Variants in MYH9 observed in about 807,000 individuals in gnomAD.
MYH9 encodes myosin-9.
In MYH9, 29 loss-of-function variants were observed where a neutral mutation model predicts 241.9. The ratio of observed to expected loss-of-function variants is 0.12; its 90% CI spans 0.09 to 0.16. The LOEUF is 0.16. Ranked by LOEUF, MYH9 falls within the 10% of genes least tolerant of loss-of-function variation. MYH9 has a pLI of 1.00. For missense variants in MYH9, 1,803 were observed against 2,595.5 expected (o/e 0.69, Z 6.63); for synonymous variants, 1,047 against 1,062.6 (o/e 0.99, Z 0.29).
rs368597851 is a variant in MYH9, at chr22:36,322,213, T to C, written c.705+216A>G. Among the ~76,000 whole-genome samples the C allele has an allele frequency of 4.7e-4, 72 of 152,342 alleles. No individual in the cohort carries two copies. The South Asian group carries it at 4.8e-3, about 10-fold the overall frequency. ...CCTTTCCACCTCTCATGAGGGAGGCTGAAGAAGCTACTCGTGGCCTTCGTC... is the reference window on the plus strand; with the variant it reads ...CCTTTCCACCTCTCATGAGGGAGGCCGAAGAAGCTACTCGTGGCCTTCGTC... On this transcript the variant is annotated intron_variant, in intron 6 of 40. Transcript: ENST00000216181.
In MYH9 at chr22:36,288,100, T is replaced by C; in HGVS notation, c.4932+152A>G. ...CCACTCACCTCTGAGCCTCTGAGTCTCTGTCAGTGAGATGGGGCTGGAAGC... is the reference window on the plus strand; with the variant it reads ...CCACTCACCTCTGAGCCTCTGAGTCCCTGTCAGTGAGATGGGGCTGGAAGC... On this transcript the variant is annotated intron_variant, in intron 34 of 40. Coordinates refer to ENST00000216181, the MANE Select transcript of MYH9 (RefSeq NM_002473.6). This position sits in a 1 kb window ranked among gnomAD's most constrained non-coding sequence, Gnocchi z 4.8. 1 of 898,918 alleles carries C rather than the reference T, an allele frequency of 1.1e-6. No individual in the cohort carries two copies. The highest frequency in any genetic ancestry group is 1.5e-5 in the South Asian group (1 of 66,624). 55.7% of individuals were successfully genotyped at this position (898,918 alleles called of 1,614,324 possible). A position where few individuals can be genotyped will look rare whatever the true frequency, so the allele number is the denominator to read the frequency against.
chr22:36,301,452 G>T (rs1569535220), intron 21 of MYH9, 82 bp downstream of exon 21: 8 of 1,580,670 alleles, frequency 5.1e-6, no homozygotes, highest in Non-Finnish European at 5.2e-6. Flanking sequence ...GAAACTTCCA[G>T]CATGCCGTGC....
At chr22:36,363,354 C>G (rs1019087810) in intron 1 of MYH9, among the ~76,000 whole-genome samples, 4 of 152,156 alleles carry the variant, frequency 2.6e-5, no homozygotes, top group East Asian at 1.9e-4. Context: ...AGCATCAATG[C>G]TTGTTGAAAA....
Position 36,293,312 on chromosome 22 carries a change from C to T in MYH9, c.4095+17G>A, listed in dbSNP as rs769352886. 1 of 1,613,340 alleles carries T rather than the reference C, an allele frequency of 6.2e-7. No individual in the cohort carries two copies. Among genetic ancestry groups the T allele is most frequent in the Non-Finnish European group, 8.5e-7 (1 of 1,179,628 alleles). ...CCCCAGCCTGCAGAGTCCGGCCGGT[C>T]CCCCAGGCCTCCAAACCTGGGCATG... is the stretch of plus-strand genomic sequence containing the variant. On this transcript the variant is annotated intron_variant, in intron 30 of 40. Coordinates refer to ENST00000216181, the MANE Select transcript of MYH9 (RefSeq NM_002473.6). The surrounding 1 kb of genome is among the most constrained non-coding windows in gnomAD (Gnocchi z 5.1).
Position 36,282,276 on chromosome 22 carries a change from C to G in MYH9, c.*392G>C, listed in dbSNP as rs539412326. On this transcript the variant is annotated 3_prime_UTR_variant, in exon 41 of 41. Transcript: ENST00000216181. Reference sequence around the variant, plus strand: ...AGGGAGGCTGACGACTGCGGGGGCTCCGACTACCAAAAGGCCTCAGTCTGA... The same window carrying G: ...AGGGAGGCTGACGACTGCGGGGGCTGCGACTACCAAAAGGCCTCAGTCTGA... The G allele has an allele frequency of 2.3e-4, 88 of 385,096 alleles. No individual in the cohort carries two copies. The South Asian group carries it at 2.8e-3, about 12-fold the overall frequency. 23.9% of individuals were successfully genotyped at this position (385,096 alleles called of 1,614,324 possible).
In MYH9 at chr22:36,295,456, C is replaced by T. The variant is rs201697365; in HGVS notation, c.3485+49G>A. On this transcript the variant is annotated intron_variant, in intron 26 of 40. Transcript: ENST00000216181. This position sits in a 1 kb window ranked among gnomAD's most constrained non-coding sequence, Gnocchi z 4.1. ...CGGGGTCCATGTCTCCAAGCCAAGG[C>T]CCCCCTGGCTGCCCTCCCCATCCCG... The T allele has an allele frequency of 6.6e-7, 1 of 1,509,226 alleles. No homozygotes were observed. The highest frequency in any genetic ancestry group is 9.1e-7 in the Non-Finnish European group (1 of 1,095,478). 93.5% of individuals were successfully genotyped at this position (1,509,226 alleles called of 1,614,324 possible). A position where few individuals can be genotyped will look rare whatever the true frequency, so the allele number is the denominator to read the frequency against.
chr22:36,373,259 C>T (rs1008631601), intron 1 of MYH9, among the ~76,000 whole-genome samples: 3 of 152,192 alleles, frequency 2.0e-5, no homozygotes, highest in Non-Finnish European at 4.4e-5. Flanking sequence ...CCCCTGCCCT[C>T]AGCTGCCCCT....
chr22:36,308,728 G>A (rs990515162), intron 15 of MYH9: 67 of 846,056 alleles, frequency 7.9e-5, no homozygotes, highest in Non-Finnish European at 9.1e-5. Context: ...GGGGGCGCGA[G>A]AAAACCTAGG....
chr22:36,310,785 C>T (rs1286529221), intron 14 of MYH9, among the ~76,000 whole-genome samples: 1 of 152,240 alleles, frequency 6.6e-6, no homozygotes, highest in Non-Finnish European at 1.5e-5. Context: ...CCTAATTATT[C>T]AGCATTACAA....
At chr22:36,365,926 C>T (rs1031738893) in intron 1 of MYH9, among the ~76,000 whole-genome samples, 6 of 152,154 alleles carry the variant, frequency 3.9e-5, no homozygotes, top group African/African-American at 1.4e-4. Context: ...TGGTGGCTCA[C>T]GCCTATAATC....
In MYH9 at chr22:36,326,666, C is replaced by G. The variant is rs2017340608; in HGVS notation, c.519-5G>C. On this transcript the variant is annotated splice_polypyrimidine_tract_variant and splice_region_variant and intron_variant, in intron 4 of 40. Transcript: ENST00000216181. The stretch of plus-strand genomic sequence containing the variant: ...TTGCCAGCTCCAGATTCACCACTAC[C>G]AAGAGAGGCAAGGAAGTCCCGGGCT... 5.6e-6 allele frequency: 9 copies of G among 1,613,446 alleles called. No homozygotes were observed. Among genetic ancestry groups the G allele is most frequent in the Non-Finnish European group, 7.6e-6 (9 of 1,179,368 alleles).
At position 36,288,392 on chromosome 22, in the gene MYH9, G is replaced by T. The variant is rs1163205030; in HGVS notation, c.4792C>A (p.Leu1598Met). 1.9e-6 allele frequency: 3 copies of T among 1,612,256 alleles called. No homozygotes were observed. The highest frequency in any genetic ancestry group is 2.5e-6 in the Non-Finnish European group (3 of 1,180,036). Residue 1598 changes from leucine (L) to methionine (M), a missense_variant, in exon 34 of 41, where the codon CTG becomes ATG. Physicochemically the swap from Leu to Met is conservative, Grantham distance 15. This residue lies in a region of MYH9 where 876 missense variants were observed against 1,077.8 expected (regional missense o/e 0.81). Coordinates refer to ENST00000216181, the MANE Select transcript of MYH9 (RefSeq NM_002473.6). This position sits in a 1 kb window ranked among gnomAD's most constrained non-coding sequence, Gnocchi z 4.8. ...VRQVREMEAE[L>M]EDERKQRSMA... is the part of the protein sequence containing the mutation. ...GAGCGCTGCTTCCTCTCGTCCTCCA[G>T]CTCTGCCTCCATCTCCCGCACCTGG...
At chr22:36,353,102 CGT>C (rs71323001) in intron 1 of MYH9, among the ~76,000 whole-genome samples, 17,152 of 142,522 alleles carry the variant, frequency 0.12, 2,229 homozygotes, top group African/African-American at 0.37. Context: ...CCTCTGGGGG[CGT>C]GTGTGTGTGT....
At position 36,348,835 on chromosome 22, in the gene MYH9, A is replaced by AGGGGGGGGGGGGGGGGGG; in HGVS notation, c.333+68_333+69insCCCCCCCCCCCCCCCCCC. The stretch of plus-strand genomic sequence containing the variant: ...GCCCAGGCACGTGAGGGTGATGGGA[A>AGGGGGGGGGGGGGGGGGG]GACCCGCCCCCCCCCCCCACCTCGG... On this transcript the variant is annotated intron_variant, in intron 2 of 40. Coordinates refer to ENST00000216181, the MANE Select transcript of MYH9 (RefSeq NM_002473.6). 8.1e-6 allele frequency: 7 copies of AGGGGGGGGGGGGGGGGGG among 868,970 alleles called. No homozygotes were observed. The East Asian group carries it at 3.0e-4, about 37-fold the overall frequency. The allele number at this position is 868,970 out of a possible 1,614,324, so 53.8% of individuals were successfully genotyped here. A position where few individuals can be genotyped will look rare whatever the true frequency, so the allele number is the denominator to read the frequency against.
chr22:36,283,550 C>CA (rs963606096), intron 40 of MYH9, among the ~76,000 whole-genome samples: 13 of 140,510 alleles, frequency 9.3e-5, no homozygotes, highest in African/African-American at 2.9e-4. Context: ...AAAAAAAAAA[C>CA]AAAAAAAATA....
chr22:36,309,103 G>T (rs2017018938), intron 15 of MYH9, among the ~76,000 whole-genome samples, 179 bp downstream of exon 15: 1 of 152,190 alleles, frequency 6.6e-6, no homozygotes, highest in Non-Finnish European at 1.5e-5. Flanking sequence ...CAAGGGCAGT[G>T]GCCTCCTGTT....
intron 1 of MYH9, among the ~76,000 whole-genome samples, chr22:36,352,081 C>A (rs2017772884): frequency 6.6e-6 from 1 of 152,202 alleles, no homozygotes; most frequent in Admixed American, 6.5e-5. Context: ...GGACGCTAAC[C>A]CAGGGACGCC....
intron 1 of MYH9, among the ~76,000 whole-genome samples, chr22:36,357,573 G>A (rs981501058): frequency 3.3e-5 from 5 of 152,126 alleles, no homozygotes; most frequent in South Asian, 2.1e-4. Flanking sequence ...TGGGGGTTGC[G>A]GGGGAAGACA....
intron 39 of MYH9, 51 bp downstream of exon 39, chr22:36,284,352 A>G (rs2016543374): frequency 1.4e-5 from 22 of 1,606,754 alleles, no homozygotes; most frequent in Non-Finnish European, 1.8e-5. Context: ...CTGTCACCCC[A>G]TCTGCTGCCC....
Sources: allele counts gnomAD v4.1 joint callset (sites outside exome capture counted in the v4.1 genomes callset), GRCh38; gene constraint gnomAD v4.1.1; regional missense constraint gnomAD v4.1.1; non-coding constraint Gnocchi (gnomAD v3.1); transcripts MANE v1.5; gene names NCBI Gene and HGNC (gene_info 2026-07-23, HGNC 2026-07-21).